Variants in HECTD4 observed in about 807,000 individuals in gnomAD.
The protein encoded by HECTD4 is HECT domain E3 ubiquitin protein ligase 4.
Under a neutral mutation model 471.5 loss-of-function variants are expected in HECTD4, and 114 were observed. The observed-to-expected ratio is 0.24, with a 90% CI of 0.21 to 0.28. The LOEUF (loss-of-function observed/expected upper bound fraction) is 0.28. HECTD4 is among the 10% of genes least tolerant of loss of function. The pLI is 1.00. For synonymous variants in HECTD4, 2,012 were observed against 2,256.0 expected (o/e 0.89, Z 3.07); for missense variants, 3,866 against 5,651.5 (o/e 0.68, Z 10.13).
intron 1 of HECTD4, among the ~76,000 whole-genome samples, chr12:112,326,565 A>T (rs1566113030): frequency 1.3e-5 from 2 of 152,030 alleles, no homozygotes; most frequent in Non-Finnish European, 2.9e-5. Context: ...ATTTATTTCC[A>T]TTTTTTTCTG....
Position 112,309,603 on chromosome 12 carries a change from C to T in HECTD4, c.983G>A (p.Arg328Lys), listed in dbSNP as rs186337008. 82 of 1,534,614 alleles carry T rather than the reference C, an allele frequency of 5.3e-5. No homozygotes were observed. Among genetic ancestry groups the T allele is most frequent in the Non-Finnish European group, 7.1e-5 (81 of 1,144,650 alleles). The change falls in exon 5 of 76, where the codon AGA (arginine) becomes AAA (lysine). Residue 328 changes from arginine to lysine, a missense_variant. By Grantham distance (26) the Arg-to-Lys change is conservative. Around this residue, in one of 16 missense-constraint regions of HECTD4, gnomAD observed 440 missense variants for 636.0 expected, o/e 0.69. Transcript: ENST00000682272. ...LYLYTTNSVG[R>K]GVSKLGSGLH... ...TCCAGATCCCAATTTGCTTACTCCTCTTCCAACTGAGTTAGTAGTATACAG... is the reference window on the plus strand; with the variant it reads ...TCCAGATCCCAATTTGCTTACTCCTTTTCCAACTGAGTTAGTAGTATACAG...
intron 13 of HECTD4, chr12:112,267,314 A>G (rs2034302293): frequency 4.4e-6 from 1 of 227,582 alleles, no homozygotes; most frequent in South Asian, 9.7e-5. Flanking sequence ...ACAAGATGTC[A>G]ATTGATTACA....
At position 112,251,103 on chromosome 12, in the gene HECTD4, G is replaced by A. The variant is rs1330571973; in HGVS notation, c.3584C>T (p.Pro1195Leu). Reference protein sequence around the residue: ...ESSEDVSGGLPFLVDLALGLS... With the variant: ...ESSEDVSGGLLFLVDLALGLS... ...ACCTAAAGCCAGGTCTACCAGAAAG[G>A]GCAAGCCTCCTGAGACATCCTCCGA... is the stretch of plus-strand genomic sequence containing the variant. Residue 1195 changes from proline (P) to leucine (L), a missense_variant, in exon 24 of 76, where the codon CCC becomes CTC. By Grantham distance (98) the Pro-to-Leu change is moderately conservative. Transcript: ENST00000682272. The A allele has an allele frequency of 1.2e-6, 2 of 1,613,964 alleles. No homozygotes were observed. The highest frequency in any genetic ancestry group is 2.2e-5 in the South Asian group (2 of 91,072).
Position 112,243,835 on chromosome 12 carries a change from C to G in HECTD4, c.4649+39G>C. On this transcript the variant is annotated intron_variant, in intron 30 of 75. Transcript: ENST00000682272. This position sits in a 1 kb window ranked among gnomAD's most constrained non-coding sequence, Gnocchi z 6.6. ...AGCTTGTTTTGATGAATGCATTCAGCTGCATGTGGGAACCCAACCCCGGCC... is the reference window on the plus strand; with the variant it reads ...AGCTTGTTTTGATGAATGCATTCAGGTGCATGTGGGAACCCAACCCCGGCC... 3.7e-6 allele frequency: 6 copies of G among 1,611,692 alleles called. No homozygotes were observed. The highest frequency in any genetic ancestry group is 5.1e-6 in the Non-Finnish European group (6 of 1,178,028).
chr12:112,247,556 G>GAA lies in HECTD4; in HGVS notation c.4249-8_4249-7dup. 1.4e-6 allele frequency: 2 copies of GAA among 1,400,414 alleles called. No homozygotes were observed. The highest frequency in any genetic ancestry group is 1.9e-6 in the Non-Finnish European group (2 of 1,037,626). 86.7% of individuals were successfully genotyped at this position (1,400,414 alleles called of 1,614,324 possible). Reference sequence around the variant, plus strand: ...TCTAGTTCTTTCATTTTGTTCTAAAGAAAAAAAAGATGGTATGCAGAATCT... The same window carrying GAA: ...TCTAGTTCTTTCATTTTGTTCTAAAGAAAAAAAAAAGATGGTATGCAGAATCT... On this transcript the variant is annotated splice_polypyrimidine_tract_variant and splice_region_variant and intron_variant, in intron 27 of 75. Transcript: ENST00000682272.
At chr12:112,211,401 T>G (rs2032755673) in intron 49 of HECTD4, among the ~76,000 whole-genome samples, 3 of 152,066 alleles carry the variant, frequency 2.0e-5, no homozygotes, top group Admixed American at 6.6e-5. Flanking sequence ...TTATAAAGAC[T>G]TGGGCCTTTA....
chr12:112,240,434 T>TTTTTCTTTTC (rs201162432), intron 32 of HECTD4, among the ~76,000 whole-genome samples: 149 of 152,092 alleles, frequency 9.8e-4, no homozygotes, highest in African/African-American at 3.4e-3. Flanking sequence ...CTGTAAGTGC[T>TTTTTCTTTTC]TTTTCTTTTC....
intron 2 of HECTD4, among the ~76,000 whole-genome samples, chr12:112,318,702 T>C (rs1485361628): frequency 6.6e-6 from 1 of 152,186 alleles, no homozygotes; most frequent in Non-Finnish European, 1.5e-5. Context: ...TCTAGATATA[T>C]ACTGAGAAAT....
Position 112,166,850 on chromosome 12 carries a change from C to CCA in HECTD4, c.12534+465_12534+466dup, listed in dbSNP as rs1359555269. 6.5e-6 allele frequency: 1 copy of CCA among 153,546 alleles called. No homozygotes were observed. Among genetic ancestry groups the CCA allele is most frequent in the Non-Finnish European group, 1.4e-5 (1 of 69,054 alleles). The allele number at this position is 153,546 out of a possible 1,614,324, so 9.5% of individuals were successfully genotyped here. On this transcript the variant is annotated intron_variant, in intron 72 of 75. Transcript: ENST00000682272. The surrounding 1 kb of genome is among the most constrained non-coding windows in gnomAD (Gnocchi z 4.6). Reference sequence around the variant, plus strand: ...TCCAGGGGGGCACTGGGCAACAGCACCATGCTGTCAACATCTGTGCGTGGC... The same window carrying CCA: ...TCCAGGGGGGCACTGGGCAACAGCACCACATGCTGTCAACATCTGTGCGTGGC...
chr12:112,253,934 A>C, intron 22 of HECTD4, 109 bp downstream of exon 22: 1 of 1,245,262 alleles, frequency 8.0e-7, no homozygotes, highest in Non-Finnish European at 1.1e-6. Context: ...CCACCTCAAC[A>C]AAAGCCCCCA....
At chr12:112,253,103 C>G (rs2033930819) in intron 22 of HECTD4, among the ~76,000 whole-genome samples, 1 of 149,472 alleles carries the variant, frequency 6.7e-6, no homozygotes, top group African/African-American at 2.5e-5. Flanking sequence ...CGTGAGCCAC[C>G]TTGCTCGGCC....
chr12:112,318,132 T>C (rs1173133447), intron 2 of HECTD4, among the ~76,000 whole-genome samples: 4 of 150,910 alleles, frequency 2.7e-5, no homozygotes, highest in African/African-American at 4.9e-5. Flanking sequence ...AAAAAATTAG[T>C]TGGGCACCTG....
intron 1 of HECTD4, among the ~76,000 whole-genome samples, chr12:112,357,391 T>C (rs1181662955): frequency 6.6e-6 from 1 of 152,068 alleles, no homozygotes; most frequent in Admixed American, 6.6e-5. Context: ...CTGAACAACA[T>C]GGTGAAACCC....
At chr12:112,210,337 G>A (rs765209967) in intron 49 of HECTD4, 85 bp from the exon 50 acceptor site, 104 of 1,400,998 alleles carry the variant, frequency 7.4e-5, no homozygotes, top group Non-Finnish European at 9.4e-5. Context: ...CTCACTAAAC[G>A]TCACCTTGGA....
intron 29 of HECTD4, 39 bp downstream of exon 29, chr12:112,246,862 T>C (rs776923168): frequency 2.5e-6 from 4 of 1,575,350 alleles, no homozygotes; most frequent in South Asian, 1.2e-5. Context: ...TCTCTGTTCA[T>C]ATAACAGAAG....
intron 53 of HECTD4, 38 bp downstream of exon 53, chr12:112,204,448 A>G: frequency 6.3e-7 from 1 of 1,584,178 alleles, no homozygotes. Flanking sequence ...CTCATTTCAT[A>G]GGAAATTTCA....
chr12:112,277,971 C>T (rs1442274183), intron 9 of HECTD4, among the ~76,000 whole-genome samples: 1 of 152,020 alleles, frequency 6.6e-6, no homozygotes, highest in Non-Finnish European at 1.5e-5. Flanking sequence ...TTTTATAGCT[C>T]CTGATTTTAT....
chr12:112,232,215 C>G (rs2033398296), intron 38 of HECTD4, among the ~76,000 whole-genome samples: 1 of 152,194 alleles, frequency 6.6e-6, no homozygotes, highest in African/African-American at 2.4e-5. Flanking sequence ...ACTGCAACCT[C>G]CACCTCCCAG....
Position 112,314,553 on chromosome 12 carries a change from A to G in HECTD4, c.696-7T>C. ...GAAAGTTTTCAATGATCCCCTAAAA[A>G]TAAAAGGAAGGAACAGTAAATCATC... On this transcript the variant is annotated splice_region_variant and splice_polypyrimidine_tract_variant and intron_variant, in intron 2 of 75. Coordinates refer to ENST00000682272, the MANE Select transcript of HECTD4 (RefSeq NM_001388303.1). The G allele has an allele frequency of 1.4e-6, 2 of 1,431,332 alleles. No homozygotes were observed. The highest frequency in any genetic ancestry group is 1.9e-6 in the Non-Finnish European group (2 of 1,051,730). The allele number at this position is 1,431,332 out of a possible 1,614,324, so 88.7% of individuals were successfully genotyped here.
Sources: allele counts gnomAD v4.1 joint callset (sites outside exome capture counted in the v4.1 genomes callset), GRCh38; gene constraint gnomAD v4.1.1; regional missense constraint gnomAD v4.1.1; non-coding constraint Gnocchi (gnomAD v3.1); transcripts MANE v1.5; gene names NCBI Gene and HGNC (gene_info 2026-07-23, HGNC 2026-07-21).